Variants in ARHGAP22 observed in about 807,000 individuals in gnomAD.
ARHGAP22 encodes rho GTPase-activating protein 22.
In ARHGAP22, 48 loss-of-function variants were observed where a neutral mutation model predicts 59.1. That is an observed-to-expected ratio of 0.81 (90% CI 0.64 to 1.03). The LOEUF (loss-of-function observed/expected upper bound fraction) is 1.03. ARHGAP22 is among the 50% of genes least tolerant of loss of function. The pLI is 0.00. For synonymous variants in ARHGAP22, 445 were observed against 416.4 expected, an observed-to-expected ratio of 1.07 and a Z score of -0.84; for missense variants, 1,015 against 958.7, an observed-to-expected ratio of 1.06 and a Z score of -0.78.
intron 2 of ARHGAP22, among the ~76,000 whole-genome samples, chr10:48,566,856 G>GC (rs1354204653): frequency 6.6e-6 from 1 of 152,198 alleles, no homozygotes; most frequent in African/African-American, 2.4e-5. Flanking sequence ...ACTGGCCACA[G>GC]CCCCTAAAGC....
intron 3 of ARHGAP22, among the ~76,000 whole-genome samples, chr10:48,480,502 A>AC (rs2049189723): frequency 2.0e-5 from 3 of 152,144 alleles, no homozygotes; most frequent in South Asian, 2.1e-4. Context: ...TATACATCCT[A>AC]CCCCCCGACA....
At chr10:48,469,568 CAGAT>C (rs1469830040) in intron 4 of ARHGAP22, among the ~76,000 whole-genome samples, 18 of 152,210 alleles carry the variant, frequency 1.2e-4, no homozygotes, top group African/African-American at 4.3e-4. Flanking sequence ...CAAGACAACT[CAGAT>C]CTAGTGGGTA....
At chr10:48,585,225 C>T (rs535444009) in intron 1 of ARHGAP22, among the ~76,000 whole-genome samples, 1 of 152,310 alleles carries the variant, frequency 6.6e-6, no homozygotes, top group African/African-American at 2.4e-5. Flanking sequence ...AAAGAAAATG[C>T]TAAACCATCA....
chr10:48,625,354 C>T (rs1019047092), intron 1 of ARHGAP22, among the ~76,000 whole-genome samples: 17 of 152,196 alleles, frequency 1.1e-4, no homozygotes, highest in South Asian at 1.0e-3. Context: ...TAGATGTGAT[C>T]GTGACCCCCT....
At chr10:48,537,669 CA>C (rs2055495946) in intron 3 of ARHGAP22, among the ~76,000 whole-genome samples, 1 of 152,210 alleles carries the variant, frequency 6.6e-6, no homozygotes, top group Non-Finnish European at 1.5e-5. Flanking sequence ...GTGGCGCACA[CA>C]GGGGGGAAGC....
Position 48,446,506 on chromosome 10 carries a change from C to T in ARHGAP22, c.1982G>A (p.Arg661Gln), listed in dbSNP as rs147996079. Residue 661 changes from arginine (R) to glutamine (Q), a missense_variant, in exon 10 of 10, where the codon CGG (arginine) becomes CAG (glutamine). Transcript: ENST00000249601. ...MLEIKLRNSE[R>Q]AREDAERRNQ... ...CCTCCTCTCCGCATCCTCCCGCGCC[C>T]GTTCAGAGTTCCGCAGCTTTATTTC... 102 of 1,614,120 alleles carry T rather than the reference C, an allele frequency of 6.3e-5. No homozygotes were observed. The highest frequency in any genetic ancestry group is 2.9e-4 in the South Asian group (26 of 91,096).
At chr10:48,471,866 A>T (rs921630902) in intron 4 of ARHGAP22, among the ~76,000 whole-genome samples, 2 of 152,238 alleles carry the variant, frequency 1.3e-5, no homozygotes, top group Admixed American at 6.5e-5. Flanking sequence ...TATTACATCA[A>T]GACATTTCTC....
intron 3 of ARHGAP22, among the ~76,000 whole-genome samples, chr10:48,516,783 A>G (rs1564804062): frequency 1.3e-5 from 2 of 152,240 alleles, no homozygotes; most frequent in Non-Finnish European, 2.9e-5. Context: ...AAAAACCAAG[A>G]CATCACAAGA....
rs575857351 is a variant in ARHGAP22, at chr10:48,562,268, C to T, written c.235-6718G>A. On this transcript the variant is annotated intron_variant, in intron 2 of 9. Transcript: ENST00000249601. ...AAGAGTTAAATACACACCTGGGATA[C>T]GACCCAGCCATTCCGCTCCTACATA... 1.1e-4 allele frequency among the ~76,000 whole-genome samples: 13 copies of T among 113,958 alleles called. No individual in the cohort carries two copies. The South Asian group carries it at 3.7e-3, about 32-fold the overall frequency. 74.8% of individuals were successfully genotyped at this position (113,958 alleles called of 152,430 possible).
chr10:48,491,228 C>A (rs1175204281), intron 3 of ARHGAP22, among the ~76,000 whole-genome samples: 1 of 152,208 alleles, frequency 6.6e-6, no homozygotes, highest in Non-Finnish European at 1.5e-5. Flanking sequence ...TGGCTCCCCT[C>A]CCCTTTGCTT....
At chr10:48,620,272 T>TC (rs2061238034) in intron 1 of ARHGAP22, among the ~76,000 whole-genome samples, 1 of 692 alleles carries the variant, frequency 1.4e-3, no homozygotes, top group Admixed American at 0.045. Context: ...TACATGTTTT[T>TC]TTTTTTAAAG....
At chr10:48,596,754 C>G (rs368674003) in intron 1 of ARHGAP22, among the ~76,000 whole-genome samples, 32 of 152,328 alleles carry the variant, frequency 2.1e-4, no homozygotes, top group African/African-American at 7.5e-4. Flanking sequence ...TCTCTCGTGG[C>G]TCCTTGGAAG....
At chr10:48,640,219 A>G (rs1197467734) in intron 1 of ARHGAP22, among the ~76,000 whole-genome samples, 2 of 152,226 alleles carry the variant, frequency 1.3e-5, no homozygotes, top group Non-Finnish European at 2.9e-5. Context: ...AAAGACTTTC[A>G]GAGACCTGTA....
At chr10:48,480,073 C>A (rs1353629263) in intron 3 of ARHGAP22, among the ~76,000 whole-genome samples, 1 of 152,224 alleles carries the variant, frequency 6.6e-6, no homozygotes, top group Non-Finnish European at 1.5e-5. Context: ...AGCTCAGAGA[C>A]TTTCAGTGCC....
At chr10:48,469,348 G>A (rs1400304673) in intron 4 of ARHGAP22, among the ~76,000 whole-genome samples, 1 of 152,244 alleles carries the variant, frequency 6.6e-6, no homozygotes, top group Non-Finnish European at 1.5e-5. Context: ...TGCAGAGACA[G>A]TCATGAGACT....
chr10:48,637,564 A>G (rs965038307), intron 1 of ARHGAP22, among the ~76,000 whole-genome samples: 3 of 151,920 alleles, frequency 2.0e-5, no homozygotes, highest in Admixed American at 6.6e-5. Flanking sequence ...GGGTAAATGG[A>G]TGGATGGATG....
chr10:48,511,533 A>G (rs575095317), intron 3 of ARHGAP22: 1 of 152,068 alleles, frequency 6.6e-6, no homozygotes, highest in Non-Finnish European at 1.5e-5. Flanking sequence ...AATCTCAAAT[A>G]CCTCTCCTTG....
At chr10:48,588,152 G>C (rs753358511) in intron 1 of ARHGAP22, among the ~76,000 whole-genome samples, 1 of 152,158 alleles carries the variant, frequency 6.6e-6, no homozygotes, top group Non-Finnish European at 1.5e-5. Context: ...AGAGCTTCAC[G>C]TAAGGAGGGA....
chr10:48,591,779 T>C (rs2059771893), intron 1 of ARHGAP22, among the ~76,000 whole-genome samples: 1 of 152,028 alleles, frequency 6.6e-6, no homozygotes, highest in Admixed American at 6.6e-5. Flanking sequence ...GAGGCTGAGG[T>C]GGGAGGATTC....
Sources: gnomAD v4.1 joint callset for allele counts (sites outside exome capture counted in the v4.1 genomes callset) on GRCh38, gnomAD v4.1.1 for gene constraint, MANE v1.5 for transcripts, NCBI Gene and HGNC (gene_info 2026-07-23, HGNC 2026-07-21) for gene names.